The following SUSD6 variants were observed in gnomAD, a reference collection of about 807,000 sequenced individuals.
The protein encoded by SUSD6 is sushi domain containing 6, also known as sushi domain-containing protein 6.
SUSD6 carries 16 observed loss-of-function variants against 28.4 expected under a neutral mutation model. That is an observed-to-expected ratio of 0.56 (90% confidence interval 0.38 to 0.86). The LOEUF is 0.86. SUSD6 is among the 40% of genes least tolerant of loss of function. SUSD6 has a pLI of 0.00. For synonymous variants in SUSD6, 147 were observed against 159.6 expected (o/e 0.92, Z 0.59); for missense variants, 341 against 384.2 (o/e 0.89, Z 0.94).
chr14:69,611,987 G>T (rs1884882049), intron 1 of SUSD6, among the ~76,000 whole-genome samples, 159 bp downstream of exon 1: 1 of 149,206 alleles, frequency 6.7e-6, no homozygotes, highest in Non-Finnish European at 1.5e-5. Context: ...CTCTGCGCCG[G>T]CCCGCTGTCA....
At chr14:69,648,276 G>A (rs1885456521) in intron 1 of SUSD6, among the ~76,000 whole-genome samples, 1 of 152,160 alleles carries the variant, frequency 6.6e-6, no homozygotes, top group Non-Finnish European at 1.5e-5. Flanking sequence ...ACTACATTGA[G>A]GTAAAGAGAA....
chr14:69,668,427 G>A (rs939515528), intron 2 of SUSD6, among the ~76,000 whole-genome samples: 1 of 152,052 alleles, frequency 6.6e-6, no homozygotes, highest in African/African-American at 2.4e-5. Context: ...TTGAGGTCAG[G>A]AGTTTGAGAC....
At chr14:69,647,222 C>T (rs1885440498) in intron 1 of SUSD6, among the ~76,000 whole-genome samples, 1 of 152,074 alleles carries the variant, frequency 6.6e-6, no homozygotes, top group Non-Finnish European at 1.5e-5. Context: ...GATTTTTGGC[C>T]ACACTGAAAT....
In SUSD6 at chr14:69,708,804, G is replaced by A. The variant is rs368679025; in HGVS notation, c.586G>A (p.Val196Ile). 43 of 1,614,096 alleles carry A rather than the reference G, an allele frequency of 2.7e-5. No homozygotes were observed. The highest frequency in any genetic ancestry group is 1.6e-4 in the Middle Eastern group (1 of 6,084). Reference sequence around the variant, plus strand: ...CTGTGTGCCACCTGCTGACCCCAGAGTACAGATTGTGCTGTCAGAAGGGTC... The same window carrying A: ...CTGTGTGCCACCTGCTGACCCCAGAATACAGATTGTGCTGTCAGAAGGGTC... Reference protein sequence around the residue: ...GHCVPPADPRVQIVLSEGSGP... With the variant: ...GHCVPPADPRIQIVLSEGSGP... Residue 196 changes from valine (V) to isoleucine (I), a missense_variant, in exon 5 of 6, where the codon GTA becomes ATA. Val to Ile is a conservative substitution (Grantham distance 29). Transcript: ENST00000342745.
At chr14:69,704,576 C>T (rs565621614) in intron 3 of SUSD6, 28 bp from the exon 4 acceptor site, 1 of 1,600,460 alleles carries the variant, frequency 6.2e-7, no homozygotes, top group South Asian at 1.1e-5. Flanking sequence ...GGGTACAAAA[C>T]CCTTCTGATG....
At chr14:69,670,582 G>A (rs965581889) in intron 2 of SUSD6, 5 of 448,248 alleles carry the variant, frequency 1.1e-5, no homozygotes, top group African/African-American at 8.0e-5. Flanking sequence ...GGCCAGACAC[G>A]CTGGTTTGAA....
chr14:69,637,419 T>C (rs1024075795), intron 1 of SUSD6, among the ~76,000 whole-genome samples: 1 of 152,158 alleles, frequency 6.6e-6, no homozygotes, highest in East Asian at 1.9e-4. Context: ...GGATGTGGTA[T>C]ATACACAGCA....
chr14:69,699,984 T>C (rs1170187864), intron 2 of SUSD6, among the ~76,000 whole-genome samples: 3 of 152,204 alleles, frequency 2.0e-5, no homozygotes, highest in Non-Finnish European at 2.9e-5. Context: ...CCCTAATCTT[T>C]TATTATGCAG....
At chr14:69,667,709 A>G (rs1343541580) in intron 2 of SUSD6, among the ~76,000 whole-genome samples, 2 of 152,016 alleles carry the variant, frequency 1.3e-5, no homozygotes, top group African/African-American at 2.4e-5. Context: ...TTAGCGGCCC[A>G]TGAAGTTAGC....
intron 2 of SUSD6, among the ~76,000 whole-genome samples, chr14:69,684,244 G>A (rs537588689): frequency 2.0e-5 from 3 of 152,240 alleles, no homozygotes; most frequent in Non-Finnish European, 4.4e-5. Flanking sequence ...GTGAAAGTGC[G>A]GTTTCCTGAA....
chr14:69,678,330 TTA>T (rs1885945037), intron 2 of SUSD6, among the ~76,000 whole-genome samples: 1 of 148,524 alleles, frequency 6.7e-6, no homozygotes, highest in Admixed American at 6.7e-5. Context: ...TAATTTATAA[TTA>T]TATATAATTA....
intron 1 of SUSD6, among the ~76,000 whole-genome samples, chr14:69,641,952 T>C (rs761523598): frequency 2.0e-4 from 31 of 152,184 alleles, no homozygotes; most frequent in Non-Finnish European, 3.4e-4. Flanking sequence ...TGCTCGTGCT[T>C]TGTTCTTCTT....
At chr14:69,647,743 G>T (rs1042488056) in intron 1 of SUSD6, among the ~76,000 whole-genome samples, 5 of 152,076 alleles carry the variant, frequency 3.3e-5, no homozygotes, top group African/African-American at 9.7e-5. Context: ...CCAGCACTTC[G>T]GGAGGCCAAG....
chr14:69,672,410 G>A (rs1885846865), intron 2 of SUSD6, among the ~76,000 whole-genome samples: 1 of 152,168 alleles, frequency 6.6e-6, no homozygotes, highest in South Asian at 2.1e-4. Context: ...CCTCTGAGAA[G>A]CCAGAGTTCC....
At position 69,682,947 on chromosome 14, in the gene SUSD6, CTTTTTTTTT is replaced by C. The variant is rs5809442; in HGVS notation, c.122-20432_122-20424del. On this transcript the variant is annotated intron_variant, in intron 2 of 5. Transcript: ENST00000342745. Reference sequence around the variant, plus strand: ...GAAGCTGTTCTGTTTTCCAAGAAGCCTTTTTTTTTTTTTTTTTTTTTTTTCACTTGGGGA... The same window carrying C: ...GAAGCTGTTCTGTTTTCCAAGAAGCCTTTTTTTTTTTTTTTCACTTGGGGA... 8.3e-3 allele frequency among the ~76,000 whole-genome samples: 521 copies of C among 62,684 alleles called. 6 individuals are homozygous for C. The highest frequency in any genetic ancestry group is 0.022 in the African/African-American group (467 of 21,006). The allele number at this position is 62,684 out of a possible 152,430, so 41.1% of individuals were successfully genotyped here. A position where few individuals can be genotyped will look rare whatever the true frequency, so the allele number is the denominator to read the frequency against.
At chr14:69,643,749 A>T (rs1432763141) in intron 1 of SUSD6, among the ~76,000 whole-genome samples, 1 of 152,164 alleles carries the variant, frequency 6.6e-6, no homozygotes, top group Non-Finnish European at 1.5e-5. Flanking sequence ...TACTATATTC[A>T]ATTTCAAAAA....
intron 1 of SUSD6, among the ~76,000 whole-genome samples, chr14:69,654,000 C>T (rs1208535877): frequency 3.9e-5 from 6 of 152,060 alleles, no homozygotes; most frequent in Non-Finnish European, 8.8e-5. Flanking sequence ...CCACTGACTA[C>T]CTTCTATTTA....
rs1023115529 is a variant in SUSD6 at position 69,632,331 on chromosome 14, C to G, written c.-81+20503C>G. On this transcript the variant is annotated intron_variant, in intron 1 of 5. Coordinates refer to ENST00000342745, the MANE Select transcript of SUSD6 (RefSeq NM_014734.4). ...CATTTCTGGGAGCCAGGCTGGCCCTCCTGTTGCTCTCAGGGCTGACACTTC... is the reference window on the plus strand; with the variant it reads ...CATTTCTGGGAGCCAGGCTGGCCCTGCTGTTGCTCTCAGGGCTGACACTTC... 2.6e-5 allele frequency among the ~76,000 whole-genome samples: 4 copies of G among 152,214 alleles called. No individual in the cohort carries two copies. The South Asian group carries it at 6.2e-4, about 24-fold the overall frequency.
intron 2 of SUSD6, among the ~76,000 whole-genome samples, chr14:69,667,103 G>C (rs888623329): frequency 6.6e-6 from 1 of 152,166 alleles, no homozygotes; most frequent in African/African-American, 2.4e-5. Flanking sequence ...CCTGGCTATG[G>C]TAAGAGGCAC....
Sources: gnomAD v4.1 joint callset for allele counts (sites outside exome capture counted in the v4.1 genomes callset) on GRCh38, gnomAD v4.1.1 for gene constraint, MANE v1.5 for transcripts, NCBI Gene and HGNC (gene_info 2026-07-23, HGNC 2026-07-21) for gene names.